Variants in MBD5 observed in about 807,000 individuals in gnomAD.
MBD5 encodes the protein methyl-CpG binding domain protein 5.
A neutral mutation model predicts 117.3 loss-of-function variants in MBD5; 13 were observed. The ratio of observed to expected loss-of-function variants is 0.11; its 90% CI spans 0.07 to 0.18. The LOEUF is 0.18. Ranked by LOEUF, MBD5 falls within the 10% of genes least tolerant of loss-of-function variation. The pLI is 1.00. For synonymous variants in MBD5, 727 were observed against 766.4 expected, an observed-to-expected ratio of 0.95 and a Z score of 0.85; for missense variants, 1,879 against 2,093.8, an observed-to-expected ratio of 0.90 and a Z score of 2.00.
intron 4 of MBD5, among the ~76,000 whole-genome samples, chr2:148,397,955 C>G (rs537251679): frequency 5.3e-5 from 8 of 152,274 alleles, no homozygotes; most frequent in African/African-American, 1.9e-4. Flanking sequence ...TTTCCAGCTT[C>G]ATCCATATCC....
At chr2:148,437,901 C>A (rs1484662134) in intron 4 of MBD5, among the ~76,000 whole-genome samples, 1 of 152,138 alleles carries the variant, frequency 6.6e-6, no homozygotes, top group Non-Finnish European at 1.5e-5. Context: ...AGGTCACCAC[C>A]ACATATGCCC....
At chr2:148,440,191 A>T (rs1706277137) in intron 4 of MBD5, among the ~76,000 whole-genome samples, 1 of 152,246 alleles carries the variant, frequency 6.6e-6, no homozygotes, top group African/African-American at 2.4e-5. Context: ...AAACTAGTCT[A>T]ATCTATTATT....
At chr2:148,160,405 A>AT (rs1292560274) in intron 1 of MBD5, among the ~76,000 whole-genome samples, 1 of 152,192 alleles carries the variant, frequency 6.6e-6, no homozygotes, top group African/African-American at 2.4e-5. Context: ...TCAAAAAAAA[A>AT]GGTGCATCAC....
At chr2:148,093,548 T>G (rs1695993173) in intron 1 of MBD5, among the ~76,000 whole-genome samples, 1 of 152,230 alleles carries the variant, frequency 6.6e-6, no homozygotes, top group African/African-American at 2.4e-5. Flanking sequence ...AAATTCATTA[T>G]TATACTGGGT....
intron 4 of MBD5, among the ~76,000 whole-genome samples, chr2:148,376,847 A>C (rs1704006178): frequency 7.6e-6 from 1 of 132,056 alleles, no homozygotes; most frequent in South Asian, 2.4e-4. Flanking sequence ...ATATATAATT[A>C]TATATTATAA....
chr2:148,133,492 A>C (rs1697098368), intron 1 of MBD5, among the ~76,000 whole-genome samples: 1 of 152,142 alleles, frequency 6.6e-6, no homozygotes, highest in African/African-American at 2.4e-5. Context: ...TTTTCTTGTC[A>C]TTTTGGTTGT....
intron 4 of MBD5, among the ~76,000 whole-genome samples, chr2:148,350,719 C>T (rs1034658055): frequency 6.6e-6 from 1 of 151,956 alleles, no homozygotes; most frequent in East Asian, 1.9e-4. Context: ...AGCATCTATC[C>T]TGCTAAAACT....
intron 8 of MBD5, among the ~76,000 whole-genome samples, chr2:148,477,694 A>G (rs1681015034): frequency 6.6e-6 from 1 of 152,206 alleles, no homozygotes; most frequent in Non-Finnish European, 1.5e-5. Flanking sequence ...TCACTAAGCC[A>G]TGATATTTTC....
At chr2:148,512,171 A>G (rs1682240214) in intron 13 of MBD5, 1 of 154,900 alleles carries the variant, frequency 6.5e-6, no homozygotes, top group African/African-American at 2.4e-5. Flanking sequence ...CCTCCAAATT[A>G]TACCTGCTAT....
chr2:148,101,777 A>C (rs1558925923), intron 1 of MBD5, among the ~76,000 whole-genome samples: 2 of 152,202 alleles, frequency 1.3e-5, no homozygotes, highest in Non-Finnish European at 2.9e-5. Context: ...CTCAGTAAAA[A>C]TAGGTGCTAA....
At chr2:148,316,523 T>C (rs1702161842) in intron 3 of MBD5, among the ~76,000 whole-genome samples, 1 of 152,136 alleles carries the variant, frequency 6.6e-6, no homozygotes, top group Non-Finnish European at 1.5e-5. Flanking sequence ...ACCAGTAATA[T>C]AACATTATAA....
At chr2:148,063,077 GC>G (rs1345159868) in intron 1 of MBD5, among the ~76,000 whole-genome samples, 1 of 152,064 alleles carries the variant, frequency 6.6e-6, no homozygotes, top group African/African-American at 2.4e-5. Flanking sequence ...TAAAAACATT[GC>G]TAATAATGAT....
intron 3 of MBD5, among the ~76,000 whole-genome samples, chr2:148,298,827 A>T (rs1701715316): frequency 6.6e-6 from 1 of 152,224 alleles, no homozygotes; most frequent in African/African-American, 2.4e-5. Flanking sequence ...GCCAACATGT[A>T]CGAATAGGCA....
rs150674641 is a variant in MBD5 at position 148,211,051 on chromosome 2, C to T, written c.-830-22194C>T. Among the ~76,000 whole-genome samples, 482 of 152,230 alleles carry T rather than the reference C, an allele frequency of 3.2e-3. 2 individuals carry two copies. The highest frequency in any genetic ancestry group is 6.8e-3 in the Middle Eastern group (2 of 294). ...AGGGATCATTCAGCATATTTTCATA[C>T]GTGAATCAGCAAACCAATTTATAAG... On this transcript the variant is annotated intron_variant, in intron 2 of 13. Coordinates refer to ENST00000642680, the MANE Select transcript of MBD5 (RefSeq NM_001378120.1).
chr2:148,136,973 G>A (rs1368158509), intron 1 of MBD5, among the ~76,000 whole-genome samples: 3 of 152,076 alleles, frequency 2.0e-5, no homozygotes, highest in Non-Finnish European at 4.4e-5. Flanking sequence ...TGTTGGTCAG[G>A]CTGGTCTCAA....
chr2:148,418,443 A>G (rs1309317284), intron 4 of MBD5, among the ~76,000 whole-genome samples: 2 of 152,192 alleles, frequency 1.3e-5, no homozygotes, highest in Admixed American at 1.3e-4. Flanking sequence ...CTGTTTGCCA[A>G]TGATGTGATC....
chr2:148,442,991 C>A (rs1198379772), intron 4 of MBD5, among the ~76,000 whole-genome samples: 1 of 151,416 alleles, frequency 6.6e-6, no homozygotes, highest in African/African-American at 2.5e-5. Flanking sequence ...TTACAAACTA[C>A]CTATCTGACA....
At chr2:148,474,623 A>G (rs1380037901) in intron 8 of MBD5, among the ~76,000 whole-genome samples, 1 of 152,178 alleles carries the variant, frequency 6.6e-6, no homozygotes, top group Non-Finnish European at 1.5e-5. Flanking sequence ...CCAGAAGAGA[A>G]AATAATTCAA....
intron 1 of MBD5, among the ~76,000 whole-genome samples, chr2:148,095,298 C>T (rs1342100814): frequency 6.6e-6 from 1 of 151,998 alleles, no homozygotes. Flanking sequence ...ACATTTTTCC[C>T]TTATTCTGTT....
Sources: allele counts gnomAD v4.1 joint callset (sites outside exome capture counted in the v4.1 genomes callset), GRCh38; gene constraint gnomAD v4.1.1; transcripts MANE v1.5; gene names NCBI Gene and HGNC (gene_info 2026-07-23, HGNC 2026-07-21).